The following SLC24A1 variants were observed in gnomAD, a reference collection of about 807,000 sequenced individuals.
SLC24A1 encodes sodium/potassium/calcium exchanger 1.
In SLC24A1, 52 loss-of-function variants were observed where a neutral mutation model predicts 88.1. The observed-to-expected ratio is 0.59, with a 90% CI of 0.47 to 0.74. SLC24A1 has a LOEUF of 0.74. Ranked by LOEUF, SLC24A1 falls within the 30% of genes least tolerant of loss-of-function variation. The pLI is 0.00. For synonymous variants in SLC24A1, 455 were observed against 498.0 expected (o/e 0.91, Z 1.15); for missense variants, 1,173 against 1,363.3 (o/e 0.86, Z 2.20).
downstream of SLC24A1, chr15:65,660,389 C>T: frequency 2.5e-6 from 3 of 1,213,956 alleles, no homozygotes; most frequent in South Asian, 2.6e-5. Flanking sequence ...TCCAAGATAC[C>T]TCCAGTCCAA....
rs1197432042 is a variant in SLC24A1, at chr15:65,624,724, C to T, written c.644C>T (p.Thr215Ile). The T allele has an allele frequency of 1.9e-6, 3 of 1,612,212 alleles. No homozygotes were observed. Among genetic ancestry groups the T allele is most frequent in the Non-Finnish European group, 2.5e-6 (3 of 1,179,066 alleles). Residue 215 changes from threonine (T) to isoleucine (I), a missense_variant, in exon 2 of 10, where the codon ACC (threonine) becomes ATC (isoleucine). By Grantham distance (89) the Thr-to-Ile change is moderately conservative. Transcript: ENST00000261892. ...ACAATGGAAACAAGCCATGCGATCACCCCCAGGACAACAGTGAAAGACAGT... is the reference window on the plus strand; with the variant it reads ...ACAATGGAAACAAGCCATGCGATCATCCCCAGGACAACAGTGAAAGACAGT... ...FMTMETSHAI[T>I]PRTTVKDSDI...
In SLC24A1 at chr15:65,624,382, A is replaced by C; in HGVS notation, c.302A>C (p.Glu101Ala). ...CCCCAAGCCTCAGTGGGCAGTGATG[A>C]AGCAACACTGAGCATGACAGTGGAG... ...LVPQASVGSD[E>A]ATLSMTVENI... Residue 101 changes from glutamate (E) to alanine (A), a missense_variant, in exon 2 of 10, where the codon GAA becomes GCA. Physicochemically the swap from Glu to Ala is moderately radical, Grantham distance 107. Transcript: ENST00000261892. The C allele has an allele frequency of 6.2e-7, 1 of 1,613,720 alleles. No individual in the cohort carries two copies. The highest frequency in any genetic ancestry group is 8.5e-7 in the Non-Finnish European group (1 of 1,179,752).
chr15:65,632,864 T>C (rs1443754655), intron 2 of SLC24A1, among the ~76,000 whole-genome samples: 1 of 152,206 alleles, frequency 6.6e-6, no homozygotes, highest in Non-Finnish European at 1.5e-5. Context: ...GGGATTTGTG[T>C]AGGAGAGTGA....
At chr15:65,636,241 C>T (rs1474321600) in intron 2 of SLC24A1, among the ~76,000 whole-genome samples, 1 of 152,142 alleles carries the variant, frequency 6.6e-6, no homozygotes, top group Non-Finnish European at 1.5e-5. Context: ...GACTGCTTGA[C>T]CCCAGTAGTT....
At chr15:65,618,654 G>C (rs970012996), upstream of SLC24A1, among the ~76,000 whole-genome samples, 13 of 152,154 alleles carry the variant, frequency 8.5e-5, no homozygotes, top group African/African-American at 2.9e-4. Context: ...GATGGCACTG[G>C]GTGTTATTTA....
At chr15:65,630,572 G>A (rs903996835) in intron 2 of SLC24A1, among the ~76,000 whole-genome samples, 2 of 152,240 alleles carry the variant, frequency 1.3e-5, no homozygotes, top group African/African-American at 4.8e-5. Flanking sequence ...GGGCTGAGGG[G>A]TTCCCTTCTT....
chr15:65,624,087 A>G lies in SLC24A1; in HGVS notation c.7A>G (p.Lys3Glu). The G allele has an allele frequency of 6.3e-7, 1 of 1,582,076 alleles. No individual in the cohort carries two copies. The highest frequency in any genetic ancestry group is 1.2e-5 in the South Asian group (1 of 85,362). Residue 3 changes from lysine (K) to glutamate (E), a missense_variant, in exon 2 of 10, where the codon AAA becomes GAA. Lys to Glu is a moderately conservative substitution (Grantham distance 56, BLOSUM62 1). Coordinates refer to ENST00000261892, the MANE Select transcript of SLC24A1 (RefSeq NM_004727.3). The part of the protein sequence containing the change: MG[K>E]LIRMGPQERW... ...CCAGATATAACTGGCCAGCATGGGG[A>G]AATTGATCAGGATGGGGCCGCAAGA...
intron 6 of SLC24A1, among the ~76,000 whole-genome samples, chr15:65,649,368 G>A (rs932017332): frequency 6.6e-6 from 1 of 152,178 alleles, no homozygotes; most frequent in Non-Finnish European, 1.5e-5. Flanking sequence ...AAAGTGCTAG[G>A]ATTACAGGCA....
At chr15:65,612,115 G>C (rs1320793918) in intron 1 of SLC24A1, 1 of 152,286 alleles carries the variant, frequency 6.6e-6, no homozygotes, top group Non-Finnish European at 1.5e-5. Flanking sequence ...CTGGCCACCT[G>C]GTGTCTCCAT....
Position 65,654,330 on chromosome 15 carries a change from G to C in SLC24A1, c.*251G>C, listed in dbSNP as rs147838728. ...GACTCATGCAGACATCTATTACATG[G>C]AGGCAGTAGAAGGACCCCTGGAGCC... is the stretch of plus-strand genomic sequence containing the variant. On this transcript the variant is annotated 3_prime_UTR_variant, in exon 10 of 10. Coordinates refer to ENST00000261892, the MANE Select transcript of SLC24A1 (RefSeq NM_004727.3). 5.1e-5 allele frequency: 66 copies of C among 1,289,716 alleles called. No individual in the cohort carries two copies. In the African/African-American group the frequency reaches 7.9e-4, roughly 16 times the overall value. 79.9% of individuals were successfully genotyped at this position (1,289,716 alleles called of 1,614,324 possible).
chr15:65,651,332 A>G (rs941967934), intron 7 of SLC24A1, among the ~76,000 whole-genome samples: 1 of 152,198 alleles, frequency 6.6e-6, no homozygotes, highest in Admixed American at 6.5e-5. Context: ...TTTGCAAGGA[A>G]AGGTCTGACC....
intron 1 of SLC24A1, chr15:65,612,089 G>A (rs989708678): frequency 1.3e-5 from 2 of 152,292 alleles, no homozygotes; most frequent in African/African-American, 4.8e-5. Context: ...GGCAACATGG[G>A]CTCTTGCCTG....
chr15:65,651,170 C>A (rs1330966139), intron 7 of SLC24A1, among the ~76,000 whole-genome samples: 1 of 152,168 alleles, frequency 6.6e-6, no homozygotes, highest in African/African-American at 2.4e-5. Flanking sequence ...TTTATTCCCA[C>A]TGCTATAAGC....
Position 65,650,690 on chromosome 15 carries a change from T to A in SLC24A1, c.2541T>A (p.Gly847=). The A allele has an allele frequency of 1.3e-6, 2 of 1,545,698 alleles. No individual in the cohort carries two copies. The highest frequency in any genetic ancestry group is 1.7e-6 in the Non-Finnish European group (2 of 1,144,754). The part of the protein sequence containing the change: ...NHGEAKNDEK[G]VEDGGGSDGG... ...GTGAAGCCAAAAATGATGAGAAAGGTGTAGAAGATGGAGGGGGAAGTGATG... is the reference window on the plus strand; with the variant it reads ...GTGAAGCCAAAAATGATGAGAAAGGAGTAGAAGATGGAGGGGGAAGTGATG... The change falls in exon 7 of 10, where the codon GGT becomes GGA. Residue 847 remains glycine, a synonymous_variant. Transcript: ENST00000261892. This position sits in a 1 kb window ranked among gnomAD's most constrained non-coding sequence, Gnocchi z 4.1.
At chr15:65,620,096 T>G (rs891368566), upstream of SLC24A1, among the ~76,000 whole-genome samples, 2 of 149,990 alleles carry the variant, frequency 1.3e-5, no homozygotes, top group African/African-American at 4.9e-5. Context: ...ATAACTTTAT[T>G]TATAATATTA....
chr15:65,650,695 A>G lies in SLC24A1; in HGVS notation c.2546A>G (p.Glu849Gly). The G allele has an allele frequency of 6.4e-7, 1 of 1,551,344 alleles. No individual in the cohort carries two copies. The highest frequency in any genetic ancestry group is 8.7e-7 in the Non-Finnish European group (1 of 1,146,536). The change falls in exon 7 of 10, where the codon GAA becomes GGA. Residue 849 changes from glutamate (E) to glycine (G), a missense_variant. Glu to Gly is a moderately conservative substitution (Grantham distance 98). Transcript: ENST00000261892. The surrounding 1 kb of genome is among the most constrained non-coding windows in gnomAD (Gnocchi z 4.1). ...GCCAAAAATGATGAGAAAGGTGTAG[A>G]AGATGGAGGGGGAAGTGATGGAGGG... ...GEAKNDEKGV[E>G]DGGGSDGGDS...
intron 9 of SLC24A1, among the ~76,000 whole-genome samples, chr15:65,653,508 T>TA (rs2075574116): frequency 1.4e-5 from 2 of 147,340 alleles, no homozygotes; most frequent in African/African-American, 5.1e-5. Context: ...ATTCCAGCAT[T>TA]TAAAAAAAAA....
intron 4 of SLC24A1, among the ~76,000 whole-genome samples, chr15:65,641,283 C>T (rs1395642265): frequency 6.6e-6 from 1 of 152,152 alleles, no homozygotes; most frequent in Non-Finnish European, 1.5e-5. Context: ...TCGCTTGAAC[C>T]TGGGAGGCAG....
intron 8 of SLC24A1, 62 bp downstream of exon 8, chr15:65,651,821 A>T (rs1418480624): frequency 1.9e-5 from 16 of 843,742 alleles, no homozygotes; most frequent in Non-Finnish European, 3.1e-5. Context: ...TTCCTTCAGG[A>T]TCAATCTCCG....
Sources: gnomAD v4.1 joint callset for allele counts (sites outside exome capture counted in the v4.1 genomes callset) on GRCh38, gnomAD v4.1.1 for gene constraint, Gnocchi (gnomAD v3.1) non-coding constraint, MANE v1.5 for transcripts, NCBI Gene and HGNC (gene_info 2026-07-23, HGNC 2026-07-21) for gene names.